DSE: variants seen among roughly 807,000 people sequenced by gnomAD.
DSE encodes the protein dermatan sulfate epimerase.
In DSE, 36 loss-of-function variants were observed where a neutral mutation model predicts 84.4. The ratio of observed to expected loss-of-function variants is 0.43; its 90% CI spans 0.33 to 0.56. DSE has a LOEUF of 0.56. Among genes scored for constraint, DSE ranks in the 20% least tolerant of loss-of-function variants. The probability of loss-of-function intolerance (pLI) is 0.06; values close to 1 mark genes in which losing one functional copy is unlikely to be tolerated. For synonymous variants in DSE, 410 were observed against 430.1 expected, an observed-to-expected ratio of 0.95 and a Z score of 0.58; for missense variants, 862 against 1,169.6, an observed-to-expected ratio of 0.74 and a Z score of 3.84.
intron 2 of DSE, among the ~76,000 whole-genome samples, chr6:116,313,223 TCC>T (rs1345946530): frequency 6.6e-6 from 1 of 152,206 alleles, no homozygotes; most frequent in Non-Finnish European, 1.5e-5. Context: ...GGAAGGAACA[TCC>T]CCTGTAGGCT....
At chr6:116,326,336 TTTTC>T (rs899412322) in intron 2 of DSE, among the ~76,000 whole-genome samples, 8 of 151,902 alleles carry the variant, frequency 5.3e-5, no homozygotes, top group Non-Finnish European at 1.5e-5. Flanking sequence ...CTTTTCAGCT[TTTTC>T]TTTAACTCCC....
chr6:116,359,320 G>A (rs773188722), intron 2 of DSE, among the ~76,000 whole-genome samples: 1 of 151,982 alleles, frequency 6.6e-6, no homozygotes, highest in Non-Finnish European at 1.5e-5. Flanking sequence ...AGCATTTGTA[G>A]GTTTGCCTCT....
intron 2 of DSE, among the ~76,000 whole-genome samples, chr6:116,357,006 A>G (rs1172515914): frequency 1.3e-5 from 2 of 152,282 alleles, no homozygotes; most frequent in Non-Finnish European, 2.9e-5. Context: ...ACACGGAGCT[A>G]TGGTTTAAGT....
At chr6:116,409,366 T>A (rs1354119231) in intron 2 of DSE, among the ~76,000 whole-genome samples, 1 of 152,238 alleles carries the variant, frequency 6.6e-6, no homozygotes, top group Non-Finnish European at 1.5e-5. Flanking sequence ...AAGCTCCGCC[T>A]CCTGGGTTCA....
At chr6:116,281,139 CAGAG>C (rs773955818) in intron 2 of DSE, among the ~76,000 whole-genome samples, 1 of 151,834 alleles carries the variant, frequency 6.6e-6, no homozygotes, top group African/African-American at 2.4e-5. Flanking sequence ...GACGAAAGCA[CAGAG>C]AGAGGGAAGG....
intron 2 of DSE, among the ~76,000 whole-genome samples, chr6:116,334,761 A>C (rs1777142793): frequency 6.6e-6 from 1 of 152,172 alleles, no homozygotes; most frequent in East Asian, 1.9e-4. Context: ...ACTTTTCAAA[A>C]GACATGAGTG....
At chr6:116,262,064 G>A (rs1772436710) in intron 2 of DSE, among the ~76,000 whole-genome samples, 2 of 152,142 alleles carry the variant, frequency 1.3e-5, no homozygotes, top group South Asian at 2.1e-4. Flanking sequence ...TTCTCTTTCT[G>A]TTGTATCTCT....
intron 1 of DSE, among the ~76,000 whole-genome samples, chr6:116,384,513 C>T (rs985537511): frequency 6.6e-6 from 1 of 152,150 alleles, no homozygotes; most frequent in Admixed American, 6.5e-5. Context: ...GCTGGGAAGG[C>T]ACTGGCCGTG....
At chr6:116,388,491 A>T (rs947177642) in intron 1 of DSE, among the ~76,000 whole-genome samples, 1 of 152,228 alleles carries the variant, frequency 6.6e-6, no homozygotes, top group Non-Finnish European at 1.5e-5. Flanking sequence ...AACTATCACA[A>T]CTGGTAAGAA....
At chr6:116,305,255 C>T (rs1435285013) in intron 2 of DSE, among the ~76,000 whole-genome samples, 1 of 152,074 alleles carries the variant, frequency 6.6e-6, no homozygotes, top group Non-Finnish European at 1.5e-5. Flanking sequence ...GGTTTGATCT[C>T]CCAAGGCTCC....
rs2115114910 is a variant in DSE, at chr6:116,443,968, A to G, written c.*6623A>G. The G allele has an allele frequency of 6.6e-6, 1 of 152,314 alleles. No homozygotes were observed. Among genetic ancestry groups the G allele is most frequent in the Middle Eastern group, 3.4e-3 (1 of 294 alleles). The allele number at this position is 152,314 out of a possible 1,614,324, so 9.4% of individuals were successfully genotyped here. On this transcript the variant is annotated 3_prime_UTR_variant, in exon 6 of 6. Transcript: ENST00000644252. Reference sequence around the variant, plus strand: ...TCTCTGCTGTTTACCATTTTTGTCCAGGATCAGAGACCTCCAGTAAAATAA... The same window carrying G: ...TCTCTGCTGTTTACCATTTTTGTCCGGGATCAGAGACCTCCAGTAAAATAA...
upstream of DSE, chr6:116,366,180 T>G (rs1583099789): frequency 6.6e-6 from 1 of 152,222 alleles, no homozygotes; most frequent in Non-Finnish European, 1.5e-5. Flanking sequence ...AACTCAACAA[T>G]GTTAAATGAC....
chr6:116,296,238 A>T (rs1280951126), intron 2 of DSE, among the ~76,000 whole-genome samples: 1 of 152,198 alleles, frequency 6.6e-6, no homozygotes, highest in African/African-American at 2.4e-5. Flanking sequence ...CATCATATCT[A>T]ATACAATGTA....
At position 116,371,139 on chromosome 6, in the gene DSE, C is replaced by G. The variant is rs1025136784; in HGVS notation, c.-54+18C>G. On this transcript the variant is annotated intron_variant, in intron 1 of 5. Coordinates refer to ENST00000644252, the MANE Select transcript of DSE (RefSeq NM_013352.4). The stretch of plus-strand genomic sequence containing the variant: ...TGGGAGCGGTAAGTGGAGGGGCGCG[C>G]AAGGGACGAGCTGGGGCGCGCGGCG... 1.0e-6 allele frequency: 1 copy of G among 986,070 alleles called. No individual in the cohort carries two copies. Among genetic ancestry groups the G allele is most frequent in the South Asian group, 4.7e-5 (1 of 21,304 alleles). The allele number at this position is 986,070 out of a possible 1,614,324, so 61.1% of individuals were successfully genotyped here.
chr6:116,337,035 A>C (rs181928799), intron 2 of DSE, among the ~76,000 whole-genome samples: 1 of 152,188 alleles, frequency 6.6e-6, no homozygotes, highest in Admixed American at 6.5e-5. Context: ...TTTACATTTT[A>C]TCTCTTTTAA....
chr6:116,424,467 G>C (rs1415620758), intron 2 of DSE, among the ~76,000 whole-genome samples: 3 of 152,144 alleles, frequency 2.0e-5, no homozygotes. Context: ...AATATAAAGG[G>C]ATCTCTCCAA....
At chr6:116,279,796 G>A in intron 2 of DSE, 1 of 1,612,964 alleles carries the variant, frequency 6.2e-7, no homozygotes, top group Non-Finnish European at 8.5e-7. Flanking sequence ...GGTTTGGAGG[G>A]GAGTGGTCCT....
intron 2 of DSE, among the ~76,000 whole-genome samples, chr6:116,303,793 TG>T (rs1338048162): frequency 6.6e-6 from 1 of 152,116 alleles, no homozygotes; most frequent in Non-Finnish European, 1.5e-5. Context: ...GAGCCAGTCC[TG>T]TAATGATTGC....
intron 2 of DSE, among the ~76,000 whole-genome samples, chr6:116,356,727 G>T (rs559032777): frequency 1.3e-5 from 2 of 152,054 alleles, no homozygotes; most frequent in Non-Finnish European, 2.9e-5. Context: ...GGGTATTCCC[G>T]AATCCCACAA....
Sources: allele counts gnomAD v4.1 joint callset (sites outside exome capture counted in the v4.1 genomes callset), GRCh38; gene constraint gnomAD v4.1.1; transcripts MANE v1.5; gene names NCBI Gene and HGNC (gene_info 2026-07-23, HGNC 2026-07-21).